MBNL1: variants seen among roughly 807,000 people sequenced by gnomAD.
MBNL1 encodes the protein muscleblind like splicing regulator 1.
MBNL1 carries 8 observed loss-of-function variants against 42.2 expected under a neutral mutation model. The ratio of observed to expected loss-of-function variants is 0.19; its 90% confidence interval spans 0.11 to 0.34. MBNL1 has a LOEUF of 0.34. Among genes scored for constraint, MBNL1 ranks in the 10% least tolerant of loss-of-function variants. The pLI, the probability that MBNL1 is intolerant of heterozygous loss-of-function variation, is 1.00. For missense variants in MBNL1, 309 were observed against 495.3 expected (o/e 0.62, Z 3.57); for synonymous variants, 169 against 173.9 (o/e 0.97, Z 0.22).
At chr3:152,390,768 G>A (rs1473970642) in intron 2 of MBNL1, among the ~76,000 whole-genome samples, 1 of 152,090 alleles carries the variant, frequency 6.6e-6, no homozygotes, top group Non-Finnish European at 1.5e-5. Flanking sequence ...AACTGTTAAT[G>A]GACTAGGATA....
chr3:152,303,405 C>T (rs781729119), intron 2 of MBNL1, among the ~76,000 whole-genome samples: 19 of 152,040 alleles, frequency 1.2e-4, no homozygotes, highest in South Asian at 4.1e-4. Context: ...AGTCTAAGAG[C>T]GTATTCAAGC....
At chr3:152,362,190 G>C (rs183089093) in intron 2 of MBNL1, among the ~76,000 whole-genome samples, 100 of 152,286 alleles carry the variant, frequency 6.6e-4, no homozygotes, top group African/African-American at 2.4e-3. Context: ...TTGTTTATTA[G>C]ATCAATTAAG....
chr3:152,451,169 G>A (rs1722121288), intron 6 of MBNL1, among the ~76,000 whole-genome samples: 3 of 152,188 alleles, frequency 2.0e-5, no homozygotes, highest in Admixed American at 2.0e-4. Flanking sequence ...CTTCAGATGT[G>A]TAGATATATT....
At chr3:152,315,875 C>G (rs954663369) in intron 2 of MBNL1, among the ~76,000 whole-genome samples, 1 of 150,462 alleles carries the variant, frequency 6.6e-6, no homozygotes, top group Non-Finnish European at 1.5e-5. Flanking sequence ...CACTCTCTCT[C>G]TCTCTCTCTC....
At chr3:152,410,238 C>T (rs2098535113) in intron 2 of MBNL1, among the ~76,000 whole-genome samples, 1 of 151,954 alleles carries the variant, frequency 6.6e-6, no homozygotes, top group Non-Finnish European at 1.5e-5. Context: ...TGTATATTTT[C>T]CCTTATTATA....
chr3:152,401,854 C>T lies in MBNL1; in HGVS notation c.175-13087C>T, dbSNP rs1449744445. ...TCCTGGCTAACACATCCTGGTGAAACCCCGTCTCTACTAAAAATACAAAAA... is the reference window on the plus strand; with the variant it reads ...TCCTGGCTAACACATCCTGGTGAAATCCCGTCTCTACTAAAAATACAAAAA... On this transcript the variant is annotated intron_variant, in intron 2 of 9. Coordinates refer to ENST00000324210, the MANE Select transcript of MBNL1 (RefSeq NM_021038.5). Among the ~76,000 whole-genome samples, 4 of 151,898 alleles carry T rather than the reference C, an allele frequency of 2.6e-5. No homozygotes were observed. In the East Asian group the frequency reaches 7.7e-4, roughly 29 times the overall value.
rs140760132 is a variant in MBNL1, at chr3:152,295,275, A to G, written c.-789-4130A>G. On this transcript the variant is annotated intron_variant, in intron 1 of 9. Transcript: ENST00000324210. ...GCAAGCATTTTAGTAATCAAAGTATATTTTGTACTTGAGGGATTGTCTGTA... is the reference window on the plus strand; with the variant it reads ...GCAAGCATTTTAGTAATCAAAGTATGTTTTGTACTTGAGGGATTGTCTGTA... Among the ~76,000 whole-genome samples the G allele has an allele frequency of 3.3e-3, 498 of 152,284 alleles. 5 individuals are homozygous for G. Among genetic ancestry groups the G allele is most frequent in the African/African-American group, 0.011 (452 of 41,560 alleles).
intron 2 of MBNL1, among the ~76,000 whole-genome samples, chr3:152,388,495 A>C (rs2097542268): frequency 1.3e-5 from 2 of 151,884 alleles, no homozygotes. Context: ...GAGTGAAACA[A>C]TAAATGTCTG....
chr3:152,455,618 G>C, intron 7 of MBNL1, 41 bp downstream of exon 7: 2 of 1,587,816 alleles, frequency 1.3e-6, no homozygotes, highest in South Asian at 2.2e-5. Context: ...TAAACCTATG[G>C]TGTACCTCAC....
At chr3:152,451,039 A>G (rs1048378453) in intron 6 of MBNL1, among the ~76,000 whole-genome samples, 8 of 152,230 alleles carry the variant, frequency 5.3e-5, no homozygotes, top group South Asian at 2.1e-4. Context: ...TCTGAACACA[A>G]TTTAATAATT....
At chr3:152,421,221 A>G (rs1372877906) in intron 3 of MBNL1, among the ~76,000 whole-genome samples, 4 of 152,198 alleles carry the variant, frequency 2.6e-5, no homozygotes, top group Admixed American at 6.5e-5. Context: ...AACTTCCCCA[A>G]CCTAGCAAGA....
intron 2 of MBNL1, among the ~76,000 whole-genome samples, chr3:152,323,720 A>G (rs2077759673): frequency 6.6e-6 from 1 of 152,150 alleles, no homozygotes; most frequent in South Asian, 2.1e-4. Flanking sequence ...AAACGTAGAA[A>G]AGATATTGTG....
intron 2 of MBNL1, among the ~76,000 whole-genome samples, chr3:152,311,475 C>T (rs116442569): frequency 0.017 from 2,615 of 152,148 alleles, 38 homozygotes; most frequent in Non-Finnish European, 0.026. Flanking sequence ...AACCATTCAC[C>T]ACCTCTTTGA....
chr3:152,353,086 CT>C (rs1462111832), intron 2 of MBNL1, among the ~76,000 whole-genome samples: 6 of 152,098 alleles, frequency 3.9e-5, no homozygotes, highest in African/African-American at 1.4e-4. Context: ...AATTTTTTGT[CT>C]TTTATATGAG....
At chr3:152,406,577 G>A (rs1411504058) in intron 2 of MBNL1, among the ~76,000 whole-genome samples, 1 of 152,140 alleles carries the variant, frequency 6.6e-6, no homozygotes, top group Admixed American at 6.6e-5. Flanking sequence ...CTGTAGAAGT[G>A]TAGAGTTTCA....
chr3:152,338,746 A>G, intron 2 of MBNL1: 1 of 942,866 alleles, frequency 1.1e-6, no homozygotes, highest in Non-Finnish European at 1.3e-6. Flanking sequence ...GATTTAATAT[A>G]AGTTAGTAGT....
At chr3:152,276,067 C>T (rs866023124) in intron 1 of MBNL1, among the ~76,000 whole-genome samples, 2 of 151,950 alleles carry the variant, frequency 1.3e-5, no homozygotes, top group Admixed American at 6.6e-5. Flanking sequence ...GTAAAGTAGC[C>T]GTAAAGTAAT....
chr3:152,311,694 C>T (rs1278050879), intron 2 of MBNL1, among the ~76,000 whole-genome samples: 1 of 151,882 alleles, frequency 6.6e-6, no homozygotes. Flanking sequence ...TTAAAAATAG[C>T]TCACACTATT....
chr3:152,254,342 C>T (rs1368702727), intron 2 of MBNL1, among the ~76,000 whole-genome samples: 1 of 152,094 alleles, frequency 6.6e-6, no homozygotes, highest in Non-Finnish European at 1.5e-5. Flanking sequence ...TTTTTAGAAT[C>T]CTGGGGTGCA....
Sources: gnomAD v4.1 joint callset for allele counts (sites outside exome capture counted in the v4.1 genomes callset) on GRCh38, gnomAD v4.1.1 for gene constraint, MANE v1.5 for transcripts, NCBI Gene and HGNC (gene_info 2026-07-23, HGNC 2026-07-21) for gene names.